The following NRCAM variants were observed in gnomAD, a reference collection of about 807,000 sequenced individuals.
The protein encoded by NRCAM is NgCAM-related cell adhesion molecule.
A neutral mutation model predicts 156.5 loss-of-function variants in NRCAM; 83 were observed. That is an observed-to-expected ratio of 0.53 (90% CI 0.44 to 0.64). The LOEUF (loss-of-function observed/expected upper bound fraction) is 0.64, where lower values mean the gene tolerates loss of function less well. Ranked by LOEUF, NRCAM falls within the 30% of genes least tolerant of loss-of-function variation. NRCAM has a pLI of 0.00. For missense variants in NRCAM, 1,417 were observed against 1,597.3 expected, an observed-to-expected ratio of 0.89 and a Z score of 1.92; for synonymous variants, 538 against 563.9, an observed-to-expected ratio of 0.95 and a Z score of 0.65.
At chr7:108,261,548 C>G (rs2096888694) in intron 3 of NRCAM, among the ~76,000 whole-genome samples, 1 of 152,218 alleles carries the variant, frequency 6.6e-6, no homozygotes, top group Non-Finnish European at 1.5e-5. Flanking sequence ...CAAAGACACT[C>G]CAGGGAATTC....
chr7:108,416,762 C>G (rs1395434606), intron 1 of NRCAM, among the ~76,000 whole-genome samples: 1 of 152,200 alleles, frequency 6.6e-6, no homozygotes, highest in Non-Finnish European at 1.5e-5. Context: ...GATGAAATTT[C>G]CATCACTGCA....
At chr7:108,431,303 GTCTGGTCATGC>G (rs1824788515) in intron 1 of NRCAM, among the ~76,000 whole-genome samples, 1 of 152,092 alleles carries the variant, frequency 6.6e-6, no homozygotes. Flanking sequence ...CTGCCACAGG[GTCTGGTCATGC>G]TGCCAACATC....
At chr7:108,238,888 T>A (rs1262336192) in intron 4 of NRCAM, among the ~76,000 whole-genome samples, 1 of 152,004 alleles carries the variant, frequency 6.6e-6, no homozygotes, top group Non-Finnish European at 1.5e-5. Context: ...CTCTTCTTAA[T>A]GTCTTCCCAC....
chr7:108,269,568 G>A (rs1416212362), intron 3 of NRCAM, among the ~76,000 whole-genome samples: 5 of 152,102 alleles, frequency 3.3e-5, no homozygotes, highest in Non-Finnish European at 7.4e-5. Context: ...GTCATAAGAA[G>A]GTAGCGACAT....
At chr7:108,177,134 CTT>C (rs1387223254) in intron 26 of NRCAM, among the ~76,000 whole-genome samples, 27 of 152,228 alleles carry the variant, frequency 1.8e-4, no homozygotes, top group African/African-American at 6.3e-4. Context: ...TGAAACAACA[CTT>C]GAAGTTATAT....
At chr7:108,223,636 G>T in intron 11 of NRCAM, 89 bp downstream of exon 11, 1 of 582,854 alleles carries the variant, frequency 1.7e-6, no homozygotes, top group Non-Finnish European at 3.0e-6. Flanking sequence ...AGAAGACAAT[G>T]ACTCCTCCTA....
intron 5 of NRCAM, among the ~76,000 whole-genome samples, chr7:108,235,941 G>A (rs1312901794): frequency 2.6e-5 from 4 of 152,130 alleles, no homozygotes; most frequent in Non-Finnish European, 4.4e-5. Context: ...CTGCATCTGG[G>A]AAATTCCCCC....
chr7:108,276,354 C>A lies in NRCAM; in HGVS notation c.-106-36184G>T, dbSNP rs183849443. Among the ~76,000 whole-genome samples, 356 of 152,152 alleles carry A rather than the reference C, an allele frequency of 2.3e-3. 1 individual carries two copies. Among genetic ancestry groups the A allele is most frequent in the African/African-American group, 8.3e-3 (343 of 41,532 alleles). Reference sequence around the variant, plus strand: ...GGGGTGTTAAAGTCTCCCATTATTACTGTGTGGGAGTCTAAGTCTCTTTGT... The same window carrying A: ...GGGGTGTTAAAGTCTCCCATTATTAATGTGTGGGAGTCTAAGTCTCTTTGT... On this transcript the variant is annotated intron_variant, in intron 3 of 32. Transcript: ENST00000379028.
At chr7:108,188,329 G>A (rs1335930839) in intron 20 of NRCAM, among the ~76,000 whole-genome samples, 1 of 151,852 alleles carries the variant, frequency 6.6e-6, no homozygotes, top group Non-Finnish European at 1.5e-5. Flanking sequence ...GGAGGCTGTG[G>A]GTTAACACTC....
chr7:108,244,434 T>A (rs1182031850), intron 3 of NRCAM, among the ~76,000 whole-genome samples: 2 of 152,198 alleles, frequency 1.3e-5, no homozygotes, highest in African/African-American at 2.4e-5. Context: ...GGTCACTTTT[T>A]ATATTTTAAA....
rs137881405 is a variant in NRCAM, at chr7:108,254,530, C to T, written c.-106-14360G>A. 8.9e-3 allele frequency among the ~76,000 whole-genome samples: 1,322 copies of T among 148,320 alleles called. 22 individuals carry two copies. The highest frequency in any genetic ancestry group is 0.031 in the African/African-American group (1,225 of 39,584). On this transcript the variant is annotated intron_variant, in intron 3 of 32. Coordinates refer to ENST00000379028, the MANE Select transcript of NRCAM (RefSeq NM_001037132.4). Reference sequence around the variant, plus strand: ...CTATGGAAACATAAAAACATATAGCCATTCTGAAAAAACAATTTTGCTTTT... The same window carrying T: ...CTATGGAAACATAAAAACATATAGCTATTCTGAAAAAACAATTTTGCTTTT...
intron 3 of NRCAM, among the ~76,000 whole-genome samples, chr7:108,293,281 C>G (rs1457917943): frequency 6.6e-6 from 1 of 152,118 alleles, no homozygotes; most frequent in Non-Finnish European, 1.5e-5. Flanking sequence ...CGGGCGATCA[C>G]GGCTTGGCTA....
intron 28 of NRCAM, among the ~76,000 whole-genome samples, chr7:108,173,483 A>C (rs913519379): frequency 2.0e-5 from 3 of 152,220 alleles, no homozygotes; most frequent in African/African-American, 7.2e-5. Flanking sequence ...AATAGTGAAG[A>C]GGATAGAATT....
intron 19 of NRCAM, among the ~76,000 whole-genome samples, chr7:108,190,534 T>C (rs1205663399): frequency 4.6e-5 from 7 of 152,188 alleles, no homozygotes; most frequent in Non-Finnish European, 1.0e-4. Flanking sequence ...AGGTTTTATA[T>C]TGGATAATTA....
chr7:108,176,636 T>C (rs1398143870), intron 26 of NRCAM, 30 bp from the exon 27 acceptor site: 8 of 1,530,858 alleles, frequency 5.2e-6, no homozygotes, highest in Non-Finnish European at 4.5e-6. Context: ...AACAAGTGCA[T>C]TCTCCATTAA....
In NRCAM at chr7:108,185,697, C is replaced by A. The variant is rs1015803793; in HGVS notation, c.2036-1083G>T. On this transcript the variant is annotated intron_variant, in intron 20 of 32. Coordinates refer to ENST00000379028, the MANE Select transcript of NRCAM (RefSeq NM_001037132.4). ...TCAAGCCACTGCACTCCAGCCTGGA[C>A]AGAGTGAAACCCTGTCTCAAAAAAG... Among the ~76,000 whole-genome samples the A allele has an allele frequency of 3.8e-5, 5 of 133,150 alleles. No individual in the cohort carries two copies. In the East Asian group the frequency reaches 8.8e-4, roughly 24 times the overall value. 87.4% of individuals were successfully genotyped at this position (133,150 alleles called of 152,430 possible).
intron 30 of NRCAM, among the ~76,000 whole-genome samples, chr7:108,161,320 A>C (rs2048801430): frequency 6.6e-6 from 1 of 152,220 alleles, no homozygotes; most frequent in Non-Finnish European, 1.5e-5. Context: ...AATAAATGTG[A>C]AACCCCTTAT....
chr7:108,278,314 T>C (rs1021143099), intron 3 of NRCAM, among the ~76,000 whole-genome samples: 11 of 152,204 alleles, frequency 7.2e-5, no homozygotes, highest in African/African-American at 2.7e-4. Context: ...AGTCGTCTGC[T>C]GCCTTTTGTT....
intron 3 of NRCAM, among the ~76,000 whole-genome samples, chr7:108,300,626 G>A (rs533894365): frequency 2.5e-3 from 388 of 152,280 alleles, no homozygotes; most frequent in Non-Finnish European, 4.7e-3. Context: ...CATAGGCTAG[G>A]TGGAAGTGTA....
Sources: allele counts gnomAD v4.1 joint callset (sites outside exome capture counted in the v4.1 genomes callset), GRCh38; gene constraint gnomAD v4.1.1; transcripts MANE v1.5; gene names NCBI Gene and HGNC (gene_info 2026-07-23, HGNC 2026-07-21).